Variants in ATG4B observed in about 807,000 individuals in gnomAD.
ATG4B encodes the protein autophagy related 4B cysteine peptidase.
ATG4B carries 29 observed loss-of-function variants against 56.6 expected under a neutral mutation model. The ratio of observed to expected loss-of-function variants is 0.51; its 90% confidence interval spans 0.38 to 0.70. ATG4B has a LOEUF of 0.70. Among genes scored for constraint, ATG4B ranks in the 30% least tolerant of loss-of-function variants. The pLI, the probability that ATG4B is intolerant of heterozygous loss-of-function variation, is 0.00. For synonymous variants in ATG4B, 224 were observed against 206.1 expected, an observed-to-expected ratio of 1.09 and a Z score of -0.74; for missense variants, 461 against 515.5, an observed-to-expected ratio of 0.89 and a Z score of 1.02.
intron 7 of ATG4B, 74 bp from the exon 8 acceptor site, chr2:241,666,571 T>C (rs770811907): frequency 4.1e-6 from 6 of 1,476,930 alleles, no homozygotes; most frequent in African/African-American, 1.4e-5. Context: ...TACACAGTCA[T>C]CATTTGCTTG....
At position 241,672,286 on chromosome 2, in the gene ATG4B, C is replaced by T. The variant is rs773479615; in HGVS notation, c.*22C>T. 1.9e-6 allele frequency: 3 copies of T among 1,549,596 alleles called. No individual in the cohort carries two copies. The highest frequency in any genetic ancestry group is 2.6e-6 in the Non-Finnish European group (3 of 1,142,102). On this transcript the variant is annotated 3_prime_UTR_variant, in exon 13 of 13. Coordinates refer to ENST00000404914, the MANE Select transcript of ATG4B (RefSeq NM_013325.5). ...TTGAAAATCCTGGGGTCGGGGGTGG[C>T]ACCTGTGAGAGCCTGGGGCTCCTGG...
chr2:241,658,859 G>A (rs1466262372), intron 6 of ATG4B, among the ~76,000 whole-genome samples: 1 of 152,216 alleles, frequency 6.6e-6, no homozygotes, highest in Non-Finnish European at 1.5e-5. Flanking sequence ...AAAGCCTCTT[G>A]CGTGTGCTCT....
At chr2:241,658,779 C>T (rs370483158) in intron 6 of ATG4B, among the ~76,000 whole-genome samples, 30 of 152,356 alleles carry the variant, frequency 2.0e-4, no homozygotes, top group African/African-American at 7.0e-4. Context: ...AAACCCACAG[C>T]GTCTCAGAGC....
At chr2:241,658,437 T>TG (rs1191725904) in intron 6 of ATG4B, among the ~76,000 whole-genome samples, 2 of 152,066 alleles carry the variant, frequency 1.3e-5, no homozygotes, top group Non-Finnish European at 1.5e-5. Context: ...CCACAGGTCT[T>TG]GCATTCTGTC....
At chr2:241,659,395 G>A (rs1048954074) in intron 7 of ATG4B, 10 of 651,922 alleles carry the variant, frequency 1.5e-5, no homozygotes, top group African/African-American at 3.6e-5. Flanking sequence ...GAGAGCCCAG[G>A]CTGTCTGGAG....
In ATG4B at chr2:241,655,229, G is replaced by A. The variant is rs1428211490; in HGVS notation, c.386-42G>A. On this transcript the variant is annotated intron_variant, in intron 5 of 12. Coordinates refer to ENST00000404914, the MANE Select transcript of ATG4B (RefSeq NM_013325.5). ...CCACGTGCCACCAGAGGTCAGGGCTGGGGGCGGGTGTGTGTTGCTAATGTG... is the reference window on the plus strand; with the variant it reads ...CCACGTGCCACCAGAGGTCAGGGCTAGGGGCGGGTGTGTGTTGCTAATGTG... 1.9e-6 allele frequency: 3 copies of A among 1,577,892 alleles called. No homozygotes were observed. In the Admixed American group the frequency reaches 5.5e-5, roughly 29 times the overall value.
intron 1 of ATG4B, 42 bp from the exon 2 acceptor site, chr2:241,650,968 A>C: frequency 6.5e-7 from 1 of 1,527,422 alleles, no homozygotes; most frequent in South Asian, 1.2e-5. Context: ...TAGTTTATGA[A>C]ATTATAAGTG....
chr2:241,668,838 G>A lies in ATG4B; in HGVS notation c.957+153G>A, dbSNP rs887424780. Reference sequence around the variant, plus strand: ...TGGGAATCTGAAGGGTATAAGAGCCGGAACTGTGTCCTTGCACCCTCACGT... The same window carrying A: ...TGGGAATCTGAAGGGTATAAGAGCCAGAACTGTGTCCTTGCACCCTCACGT... On this transcript the variant is annotated intron_variant, in intron 10 of 12. Transcript: ENST00000404914. The surrounding 1 kb of genome is among the most constrained non-coding windows in gnomAD (Gnocchi z 4.2). 2.1e-5 allele frequency: 24 copies of A among 1,159,632 alleles called. No homozygotes were observed. Among genetic ancestry groups the A allele is most frequent in the African/African-American group, 7.9e-5 (5 of 63,602 alleles). The allele number at this position is 1,159,632 out of a possible 1,614,324, so 71.8% of individuals were successfully genotyped here.
In ATG4B at chr2:241,672,203, T is replaced by C. The variant is rs1439410077; in HGVS notation, c.1121T>C (p.Val374Ala). 1.3e-6 allele frequency: 2 copies of C among 1,583,094 alleles called. No homozygotes were observed. The highest frequency in any genetic ancestry group is 1.7e-6 in the Non-Finnish European group (2 of 1,164,150). ...CTGTTCCTTCTAGATTCTTCTGATG[T>C]AGAGCGACTGGAAAGATTCTTCGAC... is the stretch of plus-strand genomic sequence containing the variant. ...VLNLSLDSSD[V>A]ERLERFFDSE... Residue 374 changes from valine (V) to alanine (A), a missense_variant, in exon 13 of 13, where the codon GTA becomes GCA. Val to Ala is a moderately conservative substitution (Grantham distance 64). Transcript: ENST00000404914.
chr2:241,670,430 A>G (rs182080100), intron 10 of ATG4B: 9 of 468,986 alleles, frequency 1.9e-5, no homozygotes, highest in African/African-American at 1.6e-4. Flanking sequence ...AACCTGCCCC[A>G]ATCCCGGAAC....
chr2:241,663,068 T>G (rs943747069), intron 7 of ATG4B, among the ~76,000 whole-genome samples: 1 of 152,030 alleles, frequency 6.6e-6, no homozygotes, highest in African/African-American at 2.4e-5. Flanking sequence ...AAACCCCATG[T>G]CTACTAAAAA....
At chr2:241,671,228 T>C in intron 11 of ATG4B, 84 bp from the exon 12 acceptor site, 1 of 1,234,548 alleles carries the variant, frequency 8.1e-7, no homozygotes, top group Non-Finnish European at 1.2e-6. Context: ...GTTTGTCCGC[T>C]GGCTGTGGCC....
In ATG4B at chr2:241,672,506, G is replaced by T; in HGVS notation, c.*242G>T. 1 of 564,244 alleles carries T rather than the reference G, an allele frequency of 1.8e-6. No individual in the cohort carries two copies. Among genetic ancestry groups the T allele is most frequent in the Admixed American group, 3.2e-5 (1 of 31,704 alleles). 35.0% of individuals were successfully genotyped at this position (564,244 alleles called of 1,614,324 possible). On this transcript the variant is annotated 3_prime_UTR_variant, in exon 13 of 13. Transcript: ENST00000404914. ...CATCCGCACGCGGAGCCGTCTGTTA[G>T]GAGCTTCCAGAGTGTTCTCTCGACA...
chr2:241,648,436 A>G (rs1029785526), intron 1 of ATG4B, among the ~76,000 whole-genome samples: 5 of 152,094 alleles, frequency 3.3e-5, no homozygotes, highest in Non-Finnish European at 4.4e-5. Context: ...CTCTACAAAA[A>G]ATACAAGAAT....
chr2:241,641,928 G>A (rs940846777), intron 1 of ATG4B, among the ~76,000 whole-genome samples: 1 of 152,154 alleles, frequency 6.6e-6, no homozygotes, highest in Non-Finnish European at 1.5e-5. Flanking sequence ...ACGACTGGCA[G>A]GTGCCAGCAC....
At chr2:241,667,054 G>A (rs2068800803) in intron 8 of ATG4B, among the ~76,000 whole-genome samples, 2 of 152,224 alleles carry the variant, frequency 1.3e-5, no homozygotes, top group Non-Finnish European at 2.9e-5. Context: ...GTGTCAAGGC[G>A]AGTGTCGAGG....
In ATG4B at chr2:241,672,362, C is replaced by T; in HGVS notation, c.*98C>T. ...CCGCTCGCCTGCCGAGGGCTGCGCC[C>T]CGTGCTGCCTCCCCCCAGAGGGCCA... On this transcript the variant is annotated 3_prime_UTR_variant, in exon 13 of 13. Transcript: ENST00000404914. 8.7e-7 allele frequency: 1 copy of T among 1,151,226 alleles called. No individual in the cohort carries two copies. The highest frequency in any genetic ancestry group is 1.4e-5 in the South Asian group (1 of 72,254). 71.3% of individuals were successfully genotyped at this position (1,151,226 alleles called of 1,614,324 possible).
chr2:241,644,790 A>G (rs1035590586), intron 1 of ATG4B, among the ~76,000 whole-genome samples: 1 of 151,972 alleles, frequency 6.6e-6, no homozygotes, highest in Non-Finnish European at 1.5e-5. Context: ...TCTCTACTAA[A>G]AATACAAAAT....
intron 1 of ATG4B, among the ~76,000 whole-genome samples, chr2:241,640,305 A>G (rs1030759494): frequency 2.0e-5 from 3 of 152,234 alleles, no homozygotes; most frequent in Non-Finnish European, 2.9e-5. Flanking sequence ...TTATGCTGAT[A>G]AAAACGTATA....
Sources: allele counts gnomAD v4.1 joint callset (sites outside exome capture counted in the v4.1 genomes callset), GRCh38; gene constraint gnomAD v4.1.1; non-coding constraint Gnocchi (gnomAD v3.1); transcripts MANE v1.5; gene names NCBI Gene and HGNC (gene_info 2026-07-23, HGNC 2026-07-21).